The following TSPAN8 variants were observed in gnomAD, a reference collection of about 807,000 sequenced individuals.
TSPAN8 encodes the protein tetraspanin-8.
In TSPAN8, 21 loss-of-function variants were observed where a neutral mutation model predicts 32.8. The observed-to-expected ratio is 0.64, with a 90% CI of 0.45 to 0.92. TSPAN8 has a LOEUF of 0.92. Among genes scored for constraint, TSPAN8 ranks in the 40% least tolerant of loss-of-function variants. TSPAN8 has a pLI of 0.00. For missense variants in TSPAN8, 269 were observed against 281.9 expected (o/e 0.95, Z 0.33); for synonymous variants, 95 against 94.6 (o/e 1.00, Z -0.03).
chr12:71,153,716 G>C (rs182400322), intron 2 of TSPAN8, among the ~76,000 whole-genome samples: 4 of 152,134 alleles, frequency 2.6e-5, no homozygotes, highest in African/African-American at 9.7e-5. Flanking sequence ...GAGCATAGAC[G>C]GGAGAGTAGA....
intron 7 of TSPAN8, among the ~76,000 whole-genome samples, chr12:71,131,494 C>A (rs1456766083): frequency 6.6e-6 from 1 of 151,796 alleles, no homozygotes; most frequent in Non-Finnish European, 1.5e-5. Context: ...AAATTATTTT[C>A]AGTAGCAGTT....
intron 4 of TSPAN8, chr12:71,139,333 CCT>C (rs1404369279): frequency 1.1e-5 from 5 of 446,974 alleles, no homozygotes; most frequent in Non-Finnish European, 2.1e-5. Flanking sequence ...AATCCCATCC[CCT>C]GTCTTGCCCT....
chr12:71,133,560 G>GA (rs954913644), intron 6 of TSPAN8, among the ~76,000 whole-genome samples: 2 of 151,980 alleles, frequency 1.3e-5, no homozygotes, highest in African/African-American at 2.4e-5. Flanking sequence ...AAGACAGGAG[G>GA]AAAAAAATGA....
rs148575105 is a variant in TSPAN8 at position 71,138,009 on chromosome 12, C to T, written c.388G>A (p.Ala130Thr). The T allele has an allele frequency of 2.3e-5, 37 of 1,613,872 alleles. No homozygotes were observed. The highest frequency in any genetic ancestry group is 3.3e-5 in the South Asian group (3 of 91,022). Reference protein sequence around the residue: ...TLYENTKLLSATGESEKQFQE... With the variant: ...TLYENTKLLSTTGESEKQFQE... ...AATTGTTTTTCACTTTCCCCTGTGG[C>T]GCTCAAAAGCTTTGTGTTTTCATAG... The change falls in exon 6 of 9, where the codon GCC becomes ACC. Residue 130 changes from alanine (A) to threonine (T), a missense_variant. Transcript: ENST00000247829.
Position 71,138,316 on chromosome 12 carries a change from G to A in TSPAN8, c.262-86C>T, listed in dbSNP as rs191755101. 952 of 1,232,218 alleles carry A rather than the reference G, an allele frequency of 7.7e-4. 2 individuals are homozygous for A. The highest frequency in any genetic ancestry group is 1.0e-3 in the Non-Finnish European group (873 of 858,092). The allele number at this position is 1,232,218 out of a possible 1,614,324, so 76.3% of individuals were successfully genotyped here. On this transcript the variant is annotated intron_variant, in intron 4 of 8. Coordinates refer to ENST00000247829, the MANE Select transcript of TSPAN8 (RefSeq NM_004616.3). Reference sequence around the variant, plus strand: ...TTCTGGCACAGCACTTCTCTCTACAGCTGGGATTATATCACAGTGAGAGTG... The same window carrying A: ...TTCTGGCACAGCACTTCTCTCTACAACTGGGATTATATCACAGTGAGAGTG...
chr12:71,139,461 G>A (rs1047084460), intron 4 of TSPAN8, among the ~76,000 whole-genome samples: 7 of 152,372 alleles, frequency 4.6e-5, no homozygotes, highest in African/African-American at 1.7e-4. Flanking sequence ...AGGTATGGCA[G>A]TAATGTTGAA....
chr12:71,147,103 T>C (rs753721976), intron 2 of TSPAN8, among the ~76,000 whole-genome samples: 5 of 151,972 alleles, frequency 3.3e-5, no homozygotes, highest in Non-Finnish European at 7.4e-5. Flanking sequence ...TATAAGAAAA[T>C]TAATTTCTGT....
intron 4 of TSPAN8, chr12:71,139,128 C>A: frequency 2.2e-6 from 1 of 456,194 alleles, no homozygotes; most frequent in South Asian, 1.5e-5. Context: ...ATGTAGAACA[C>A]CTATGATTTT....
Position 71,137,774 on chromosome 12 carries a change from T to C in TSPAN8, c.444+179A>G, listed in dbSNP as rs568089262. ...CCTTCAAAACTGCTTCAGAACTTTG[T>C]ATGAAGCGAGAAAGTAATTACAAAT... On this transcript the variant is annotated intron_variant, in intron 6 of 8. Coordinates refer to ENST00000247829, the MANE Select transcript of TSPAN8 (RefSeq NM_004616.3). 5.3e-5 allele frequency among the ~76,000 whole-genome samples: 8 copies of C among 152,344 alleles called. 1 individual carries two copies. The South Asian group carries it at 1.7e-3, about 32-fold the overall frequency.
intron 2 of TSPAN8, among the ~76,000 whole-genome samples, chr12:71,148,040 T>A (rs1872131221): frequency 6.6e-6 from 1 of 152,170 alleles, no homozygotes; most frequent in Non-Finnish European, 1.5e-5. Flanking sequence ...GCAGAGTAAA[T>A]GTTACTAAAT....
intron 2 of TSPAN8, among the ~76,000 whole-genome samples, chr12:71,152,087 C>G (rs1872272557): frequency 6.6e-6 from 1 of 152,146 alleles, no homozygotes; most frequent in Non-Finnish European, 1.5e-5. Flanking sequence ...ATGGTCAGTC[C>G]TTGGTTACAG....
At chr12:71,130,640 T>G (rs1372176464) in intron 7 of TSPAN8, among the ~76,000 whole-genome samples, 1 of 58,604 alleles carries the variant, frequency 1.7e-5, no homozygotes, top group Non-Finnish European at 4.8e-5. Flanking sequence ...CTAAGTCATC[T>G]TTCCCCTTCA....
intron 3 of TSPAN8, among the ~76,000 whole-genome samples, chr12:71,143,439 C>T (rs1182198085): frequency 3.3e-5 from 5 of 152,236 alleles, no homozygotes; most frequent in East Asian, 1.9e-4. Flanking sequence ...ATTAACCATA[C>T]GAAATACACT....
intron 8 of TSPAN8, among the ~76,000 whole-genome samples, chr12:71,128,556 G>A (rs1415177057): frequency 6.6e-6 from 1 of 151,830 alleles, no homozygotes; most frequent in Non-Finnish European, 1.5e-5. Flanking sequence ...CCAAGATCTG[G>A]GATGATTCCA....
intron 8 of TSPAN8, among the ~76,000 whole-genome samples, chr12:71,125,600 T>G (rs1871326327): frequency 6.6e-6 from 1 of 152,160 alleles, no homozygotes; most frequent in Non-Finnish European, 1.5e-5. Flanking sequence ...TTAATCAGCT[T>G]TTTTAGCTGG....
rs1423187958 is a variant in TSPAN8 at position 71,139,696 on chromosome 12, G to T, written c.261+15C>A. 1 of 1,612,282 alleles carries T rather than the reference G, an allele frequency of 6.2e-7. No individual in the cohort carries two copies. The highest frequency in any genetic ancestry group is 1.3e-5 in the African/African-American group (1 of 74,856). On this transcript the variant is annotated intron_variant, in intron 4 of 8. Coordinates refer to ENST00000247829, the MANE Select transcript of TSPAN8 (RefSeq NM_004616.3). ...GTCTGAAGGTTGGACACTGGGATTT[G>T]TTTGGAGAACTCACCAACAGAAGCA...
intron 7 of TSPAN8, among the ~76,000 whole-genome samples, chr12:71,130,103 C>T (rs1007986504): frequency 6.6e-6 from 1 of 151,956 alleles, no homozygotes; most frequent in South Asian, 2.1e-4. Context: ...CAGGCATGTG[C>T]CACCATGCCT....
Position 71,144,197 on chromosome 12 carries a change from A to G in TSPAN8, c.77T>C (p.Ile26Thr), listed in dbSNP as rs751028030. ...NFLFWLCGIL[I>T]LALAIWVRVS... The stretch of plus-strand genomic sequence containing the variant: ...TCGTACCCATATTGCTAATGCTAGG[A>G]TCAAGATACCACATAGCTGCAGAAA... The change falls in exon 3 of 9, where the codon ATC becomes ACC. Residue 26 changes from isoleucine to threonine, a missense_variant. By Grantham distance (89) the Ile-to-Thr change is moderately conservative. Transcript: ENST00000247829. The G allele has an allele frequency of 3.7e-6, 6 of 1,611,694 alleles. No homozygotes were observed. In the South Asian group the frequency reaches 5.5e-5, roughly 15 times the overall value.
intron 2 of TSPAN8, among the ~76,000 whole-genome samples, chr12:71,156,266 AAACAAAC>A (rs1301207831): frequency 0.011 from 660 of 61,558 alleles, 83 homozygotes; most frequent in East Asian, 0.029. Flanking sequence ...AAAAAAAAAA[AAACAAAC>A]AAAAAAAAAA....
Sources: gnomAD v4.1 joint callset for allele counts (sites outside exome capture counted in the v4.1 genomes callset) on GRCh38, gnomAD v4.1.1 for gene constraint, MANE v1.5 for transcripts, NCBI Gene and HGNC (gene_info 2026-07-23, HGNC 2026-07-21) for gene names.